The following ATF1 variants were observed in gnomAD, a reference collection of about 807,000 sequenced individuals.
The protein encoded by ATF1 is activating transcription factor 1, also known as cyclic AMP-dependent transcription factor ATF-1.
Under a neutral mutation model 34.7 loss-of-function variants are expected in ATF1, and 16 were observed. The ratio of observed to expected loss-of-function variants is 0.46; its 90% CI spans 0.31 to 0.70. The LOEUF is 0.70. ATF1 is among the 30% of genes least tolerant of loss of function. The pLI, the probability that ATF1 is intolerant of heterozygous loss-of-function variation, is 0.05. For synonymous variants in ATF1, 105 were observed against 113.1 expected, an observed-to-expected ratio of 0.93 and a Z score of 0.46; for missense variants, 255 against 321.6, an observed-to-expected ratio of 0.79 and a Z score of 1.58.
At chr12:50,809,402 T>C in intron 3 of ATF1, 54 bp from the exon 4 acceptor site, 1 of 1,307,088 alleles carries the variant, frequency 7.7e-7, no homozygotes, top group Middle Eastern at 2.7e-4. Context: ...AAAATTATTT[T>C]TGTGAAGTCA....
rs1439644320 is a variant in ATF1 at position 50,820,041 on chromosome 12, C to CTAAA, written c.*266_*269dup. Reference sequence around the variant, plus strand: ...ATGAACTTTCAGCAGTCTAAATTTTCTAAATAACCAATAGTTGCCAATCTA... The same window carrying CTAAA: ...ATGAACTTTCAGCAGTCTAAATTTTCTAAATAAATAACCAATAGTTGCCAATCTA... On this transcript the variant is annotated 3_prime_UTR_variant, in exon 7 of 7. Coordinates refer to ENST00000262053, the MANE Select transcript of ATF1 (RefSeq NM_005171.5). 3.4e-6 allele frequency: 1 copy of CTAAA among 293,260 alleles called. No homozygotes were observed. The highest frequency in any genetic ancestry group is 6.3e-6 in the Non-Finnish European group (1 of 159,112). 18.2% of individuals were successfully genotyped at this position (293,260 alleles called of 1,614,324 possible).
chr12:50,776,626 C>T (rs929581984), intron 1 of ATF1, among the ~76,000 whole-genome samples: 9 of 151,718 alleles, frequency 5.9e-5, no homozygotes, highest in African/African-American at 1.9e-4. Context: ...TTTTACCTAT[C>T]ATTAATTATT....
At chr12:50,807,915 T>A (rs1191046387) in intron 3 of ATF1, among the ~76,000 whole-genome samples, 1 of 150,974 alleles carries the variant, frequency 6.6e-6, no homozygotes, top group Non-Finnish European at 1.5e-5. Flanking sequence ...GTTCAAGCAA[T>A]TCTCCTGCCT....
chr12:50,774,033 C>G (rs1257061672), intron 1 of ATF1, among the ~76,000 whole-genome samples: 1 of 151,902 alleles, frequency 6.6e-6, no homozygotes, highest in Non-Finnish European at 1.5e-5. Context: ...GTTTTCTTTT[C>G]TTTTTTCTTT....
intron 1 of ATF1, among the ~76,000 whole-genome samples, chr12:50,769,642 AT>A (rs1940723934): frequency 6.6e-6 from 1 of 152,162 alleles, no homozygotes; most frequent in African/African-American, 2.4e-5. Flanking sequence ...TTCTAATATG[AT>A]TTAGTGTATG....
chr12:50,777,253 T>A (rs1222446712), intron 1 of ATF1, among the ~76,000 whole-genome samples: 4 of 152,188 alleles, frequency 2.6e-5, no homozygotes, highest in African/African-American at 7.2e-5. Context: ...GTACATGTAG[T>A]ATGGTTATGA....
intron 1 of ATF1, among the ~76,000 whole-genome samples, chr12:50,777,259 T>C (rs773594012): frequency 6.6e-6 from 1 of 152,204 alleles, no homozygotes; most frequent in Non-Finnish European, 1.5e-5. Flanking sequence ...GTAGTATGGT[T>C]ATGACTTTAA....
chr12:50,816,328 G>A (rs1334107102), intron 6 of ATF1, among the ~76,000 whole-genome samples: 3 of 151,222 alleles, frequency 2.0e-5, no homozygotes, highest in Non-Finnish European at 4.4e-5. Flanking sequence ...CAAGAAAAAA[G>A]AGAGAATGGA....
chr12:50,785,332 CACACACAG>C (rs1362798242), intron 2 of ATF1, among the ~76,000 whole-genome samples: 3 of 90,598 alleles, frequency 3.3e-5, no homozygotes, highest in Admixed American at 2.4e-4. Flanking sequence ...CACACACACA[CACACACAG>C]ACGTATATAT....
intron 6 of ATF1, among the ~76,000 whole-genome samples, chr12:50,815,151 A>G (rs1941817368): frequency 6.6e-6 from 1 of 152,078 alleles, no homozygotes; most frequent in South Asian, 2.1e-4. Context: ...ACTGTAAAAC[A>G]GCCTCAAGGC....
At chr12:50,775,713 ACT>A (rs1240224603) in intron 1 of ATF1, 2 of 150,968 alleles carry the variant, frequency 1.3e-5, no homozygotes, top group Non-Finnish European at 3.0e-5. Context: ...GATTATAAAA[ACT>A]CTTTTATAGT....
chr12:50,776,654 G>T (rs1286831779), intron 1 of ATF1, among the ~76,000 whole-genome samples: 1 of 151,814 alleles, frequency 6.6e-6, no homozygotes, highest in Admixed American at 6.6e-5. Flanking sequence ...AATTTCTATT[G>T]CTTTCTTACG....
intron 1 of ATF1, among the ~76,000 whole-genome samples, chr12:50,778,224 C>CTTTTTTT (rs71086479): frequency 1.0e-5 from 1 of 96,358 alleles, no homozygotes; most frequent in Non-Finnish European, 1.9e-5. Context: ...CCATATTAAC[C>CTTTTTTT]TTTTTTTTTT....
chr12:50,795,246 A>G (rs778075109), intron 2 of ATF1, among the ~76,000 whole-genome samples: 2 of 152,132 alleles, frequency 1.3e-5, no homozygotes, highest in African/African-American at 2.4e-5. Flanking sequence ...TGCTGTCTTC[A>G]CTAGTTTTCC....
Position 50,785,284 on chromosome 12 carries a change from TACACACACACACACACACAC to T in ATF1, c.93+5082_93+5101del, listed in dbSNP as rs56040362. Reference sequence around the variant, plus strand: ...TCAAAAAAAAAATTATATATATACATACACACACACACACACACACACACACACACACACACACACACACA... The same window carrying T: ...TCAAAAAAAAAATTATATATATACATACACACACACACACACACACACACA... On this transcript the variant is annotated intron_variant, in intron 2 of 6. Coordinates refer to ENST00000262053, the MANE Select transcript of ATF1 (RefSeq NM_005171.5). Among the ~76,000 whole-genome samples, 725 of 128,490 alleles carry T rather than the reference TACACACACACACACACACAC, an allele frequency of 5.6e-3. 11 individuals carry two copies. Among genetic ancestry groups the T allele is most frequent in the African/African-American group, 9.2e-3 (307 of 33,214 alleles). 84.3% of individuals were successfully genotyped at this position (128,490 alleles called of 152,430 possible). A position where few individuals can be genotyped will look rare whatever the true frequency, so the allele number is the denominator to read the frequency against.
chr12:50,773,908 G>A (rs1940846420), intron 1 of ATF1, among the ~76,000 whole-genome samples: 1 of 152,118 alleles, frequency 6.6e-6, no homozygotes, highest in African/African-American at 2.4e-5. Context: ...CCATTTGACT[G>A]ACGTGAGATG....
chr12:50,796,045 G>T (rs771045178), intron 3 of ATF1, 36 bp downstream of exon 3: 1 of 1,510,390 alleles, frequency 6.6e-7, no homozygotes, highest in Non-Finnish European at 9.0e-7. Context: ...TGCATGTTAT[G>T]ATAGTACCAA....
In ATF1 at chr12:50,795,890, A is replaced by AAC; in HGVS notation, c.94-18_94-17insCA. On this transcript the variant is annotated intron_variant, in intron 2 of 6. Coordinates refer to ENST00000262053, the MANE Select transcript of ATF1 (RefSeq NM_005171.5). ...TCCCACCTGCATTGTTCATCATGTT[A>AAC]ATGCCAGTTCTTTTTTAGGTATCAT... 6.3e-7 allele frequency: 1 copy of AAC among 1,582,850 alleles called. No individual in the cohort carries two copies.
chr12:50,783,190 A>C (rs564746982), intron 2 of ATF1, among the ~76,000 whole-genome samples: 12 of 152,326 alleles, frequency 7.9e-5, no homozygotes, highest in African/African-American at 2.9e-4. Flanking sequence ...TAATAAATAT[A>C]ACTGAAATAA....
Sources: allele counts gnomAD v4.1 joint callset (sites outside exome capture counted in the v4.1 genomes callset), GRCh38; gene constraint gnomAD v4.1.1; transcripts MANE v1.5; gene names NCBI Gene and HGNC (gene_info 2026-07-23, HGNC 2026-07-21).